The following NRG1 variants were observed in gnomAD, a reference collection of about 807,000 sequenced individuals.
NRG1 encodes the protein neuregulin 1, also known as pro-neuregulin-1, membrane-bound isoform.
In NRG1, 18 loss-of-function variants were observed where a neutral mutation model predicts 63.8. The observed-to-expected ratio is 0.28, with a 90% confidence interval of 0.19 to 0.42. The LOEUF (loss-of-function observed/expected upper bound fraction) is 0.42, where lower values mean the gene tolerates loss of function less well. Among genes scored for constraint, NRG1 ranks in the 10% least tolerant of loss-of-function variants. NRG1 has a pLI of 1.00. For missense variants in NRG1, 762 were observed against 814.7 expected, an observed-to-expected ratio of 0.94 and a Z score of 0.79; for synonymous variants, 302 against 301.3, an observed-to-expected ratio of 1.00 and a Z score of -0.02.
chr8:32,463,509 G>A (rs575753474), intron 1 of NRG1, among the ~76,000 whole-genome samples: 12 of 152,072 alleles, frequency 7.9e-5, no homozygotes, highest in Middle Eastern at 6.8e-3. Flanking sequence ...AAATCCACCT[G>A]GCCTGATGCT....
intron 1 of NRG1, among the ~76,000 whole-genome samples, chr8:32,322,085 G>C (rs1801458830): frequency 6.6e-6 from 1 of 151,868 alleles, no homozygotes; most frequent in Non-Finnish European, 1.5e-5. Context: ...ACCTGAGATG[G>C]GAAGATCACT....
At chr8:32,550,478 A>G (rs1346730961) in intron 1 of NRG1, among the ~76,000 whole-genome samples, 1 of 152,094 alleles carries the variant, frequency 6.6e-6, no homozygotes, top group Non-Finnish European at 1.5e-5. Context: ...CTCCCTGCTC[A>G]TTGGCTTCAG....
chr8:31,825,245 G>A (rs746162278), intron 1 of NRG1, among the ~76,000 whole-genome samples: 18 of 152,014 alleles, frequency 1.2e-4, no homozygotes, highest in South Asian at 2.1e-4. Context: ...AAAACTAGCC[G>A]GGTGTGGTGG....
intron 1 of NRG1, among the ~76,000 whole-genome samples, chr8:31,676,855 T>C (rs985467647): frequency 4.6e-5 from 7 of 152,218 alleles, no homozygotes; most frequent in Non-Finnish European, 2.9e-5. Context: ...ATGAATTACC[T>C]ACATGGGAAG....
At chr8:32,497,895 C>A (rs35053971) in intron 1 of NRG1, among the ~76,000 whole-genome samples, 8,032 of 152,298 alleles carry the variant, frequency 0.053, 285 homozygotes, top group Middle Eastern at 0.085. Context: ...ACGATCTCGG[C>A]TCACCACAAC....
At chr8:32,749,664 C>G in intron 7 of NRG1, 1 of 1,320,476 alleles carries the variant, frequency 7.6e-7, no homozygotes, top group East Asian at 2.3e-5. Flanking sequence ...CCTACTCTTA[C>G]CTTTCAGTTC....
chr8:32,099,156 G>A (rs377364158), intron 1 of NRG1, among the ~76,000 whole-genome samples: 34 of 152,178 alleles, frequency 2.2e-4, no homozygotes, highest in African/African-American at 7.7e-4. Flanking sequence ...GATTTTATGG[G>A]ATGGCGCTTG....
chr8:31,910,443 T>A (rs1042775785), intron 1 of NRG1, among the ~76,000 whole-genome samples: 3 of 152,208 alleles, frequency 2.0e-5, no homozygotes, highest in African/African-American at 7.2e-5. Context: ...ATCTGACATC[T>A]GTTTTAAGAG....
intron 1 of NRG1, among the ~76,000 whole-genome samples, chr8:32,325,075 A>G (rs1213745888): frequency 6.6e-6 from 1 of 152,230 alleles, no homozygotes; most frequent in East Asian, 1.9e-4. Flanking sequence ...ATCGCCATCC[A>G]TATCAATTAT....
At chr8:31,686,015 G>A (rs758796759) in intron 1 of NRG1, among the ~76,000 whole-genome samples, 3 of 152,080 alleles carry the variant, frequency 2.0e-5, no homozygotes, top group Non-Finnish European at 2.9e-5. Flanking sequence ...GTATACCTAG[G>A]AGTGGAATTG....
intron 1 of NRG1, among the ~76,000 whole-genome samples, chr8:31,896,152 T>C (rs529602614): frequency 6.6e-6 from 1 of 152,192 alleles, no homozygotes; most frequent in Admixed American, 6.5e-5. Flanking sequence ...AGACCAGAGC[T>C]GCTTTAAATG....
intron 1 of NRG1, among the ~76,000 whole-genome samples, chr8:31,817,077 C>T (rs144353326): frequency 2.0e-4 from 31 of 152,222 alleles, no homozygotes; most frequent in African/African-American, 7.0e-4. Context: ...GCATGATGCA[C>T]CTCTAAGCAG....
At chr8:32,538,139 A>G (rs1302802056) in intron 1 of NRG1, among the ~76,000 whole-genome samples, 1 of 152,156 alleles carries the variant, frequency 6.6e-6, no homozygotes, top group East Asian at 1.9e-4. Context: ...GGTGTGAGCC[A>G]CTGCGCTCAG....
At chr8:32,419,406 C>A (rs1453292917) in intron 1 of NRG1, among the ~76,000 whole-genome samples, 1 of 152,198 alleles carries the variant, frequency 6.6e-6, no homozygotes, top group Non-Finnish European at 1.5e-5. Flanking sequence ...GACTCCACAA[C>A]TACAATGACC....
chr8:32,530,640 C>T (rs1274099099), intron 1 of NRG1, among the ~76,000 whole-genome samples: 4 of 152,102 alleles, frequency 2.6e-5, no homozygotes, highest in Admixed American at 1.3e-4. Context: ...ATCCCTATTC[C>T]ACATTTGTTT....
chr8:31,886,595 C>T (rs913661913), intron 1 of NRG1, among the ~76,000 whole-genome samples: 11 of 152,160 alleles, frequency 7.2e-5, no homozygotes, highest in African/African-American at 2.4e-4. Context: ...CAGCTCCAGC[C>T]ATAAATAAAT....
At chr8:32,285,185 G>T (rs1204058059) in intron 1 of NRG1, among the ~76,000 whole-genome samples, 3 of 152,160 alleles carry the variant, frequency 2.0e-5, no homozygotes, top group African/African-American at 4.8e-5. Context: ...ATAAAATCAG[G>T]CATTCTAAAC....
chr8:31,927,066 C>T (rs1386720936), intron 1 of NRG1, among the ~76,000 whole-genome samples: 1 of 152,168 alleles, frequency 6.6e-6, no homozygotes, highest in Non-Finnish European at 1.5e-5. Flanking sequence ...GTGCCAGACA[C>T]TGTGCTAAAC....
At chr8:32,243,386 T>C (rs1451276634) in intron 1 of NRG1, among the ~76,000 whole-genome samples, 4 of 149,618 alleles carry the variant, frequency 2.7e-5, no homozygotes, top group African/African-American at 9.9e-5. Flanking sequence ...GCTGAGATCA[T>C]GCCACTGCAC....
Sources: gnomAD v4.1 joint callset for allele counts (sites outside exome capture counted in the v4.1 genomes callset) on GRCh38, gnomAD v4.1.1 for gene constraint, MANE v1.5 for transcripts, NCBI Gene and HGNC (gene_info 2026-07-23, HGNC 2026-07-21) for gene names.